SLIT3: variants seen among roughly 807,000 people sequenced by gnomAD.
SLIT3 encodes slit guidance ligand 3.
In SLIT3, 68 loss-of-function variants were observed where a neutral mutation model predicts 184.0. That is an observed-to-expected ratio of 0.37 (90% CI 0.30 to 0.45). The LOEUF is 0.45. Ranked by LOEUF, SLIT3 falls within the 20% of genes least tolerant of loss-of-function variation. The probability of loss-of-function intolerance (pLI) is 1.00; values close to 1 mark genes in which losing one functional copy is unlikely to be tolerated. For missense variants in SLIT3, 1,707 were observed against 2,026.0 expected, an observed-to-expected ratio of 0.84 and a Z score of 3.02; for synonymous variants, 831 against 828.6, an observed-to-expected ratio of 1.00 and a Z score of -0.05.
intron 9 of SLIT3, among the ~76,000 whole-genome samples, chr5:168,800,505 T>C (rs1346822303): frequency 6.6e-6 from 1 of 152,202 alleles, no homozygotes; most frequent in Non-Finnish European, 1.5e-5. Flanking sequence ...GAGAATCACT[T>C]GAACCTGGGA....
intron 1 of SLIT3, among the ~76,000 whole-genome samples, chr5:169,260,604 G>T (rs894190373): frequency 1.3e-5 from 2 of 152,078 alleles, no homozygotes; most frequent in Non-Finnish European, 2.9e-5. Flanking sequence ...TATGGTCTTG[G>T]GTTCTACAGT....
At chr5:168,938,974 A>T (rs758078139) in intron 4 of SLIT3, among the ~76,000 whole-genome samples, 3 of 152,158 alleles carry the variant, frequency 2.0e-5, no homozygotes, top group Non-Finnish European at 4.4e-5. Flanking sequence ...GAAGGCAGAG[A>T]TACTTGTTCA....
At position 168,806,511 on chromosome 5, in the gene SLIT3, G is replaced by A. The variant is rs372775604; in HGVS notation, c.870C>T (p.Ile290=). 5.3e-5 allele frequency: 86 copies of A among 1,614,070 alleles called. No homozygotes were observed. Among genetic ancestry groups the A allele is most frequent in the East Asian group, 8.9e-5 (4 of 44,890 alleles). The change falls in exon 9 of 36, where the codon ATC becomes ATT. Residue 290 remains isoleucine, a synonymous_variant. Transcript: ENST00000519560. ...CPSPCTCSNN[I]VDCRGKGLME... is the part of the protein sequence containing the mutation. Reference sequence around the variant, plus strand: ...TCAAGCCCTTTCCTCGACAGTCCACGATGTTATTGCTGCACGTGCAGGGCG... The same window carrying A: ...TCAAGCCCTTTCCTCGACAGTCCACAATGTTATTGCTGCACGTGCAGGGCG...
intron 27 of SLIT3, among the ~76,000 whole-genome samples, chr5:168,699,570 C>T (rs1762158301): frequency 2.0e-5 from 3 of 152,192 alleles, no homozygotes; most frequent in Admixed American, 1.3e-4. Context: ...AATCCCATTC[C>T]TAGGACAGGG....
chr5:168,793,806 G>C (rs1012798180), intron 10 of SLIT3, among the ~76,000 whole-genome samples: 7 of 152,016 alleles, frequency 4.6e-5, no homozygotes, highest in Admixed American at 1.3e-4. Flanking sequence ...GAATTGGGGG[G>C]GGGGATGCAT....
At chr5:169,097,767 C>T (rs906124485) in intron 4 of SLIT3, among the ~76,000 whole-genome samples, 1 of 152,160 alleles carries the variant, frequency 6.6e-6, no homozygotes, top group Non-Finnish European at 1.5e-5. Flanking sequence ...TGTAGCCCCC[C>T]ACCACCCTGC....
intron 4 of SLIT3, among the ~76,000 whole-genome samples, chr5:169,116,250 C>G (rs916399348): frequency 6.6e-6 from 1 of 152,150 alleles, no homozygotes; most frequent in Non-Finnish European, 1.5e-5. Flanking sequence ...GGGCAAAGAA[C>G]TCTGAGCAGA....
chr5:169,233,575 C>T (rs1453117029), intron 3 of SLIT3, among the ~76,000 whole-genome samples: 4 of 152,138 alleles, frequency 2.6e-5, no homozygotes, highest in African/African-American at 9.7e-5. Flanking sequence ...ATCTAATGTG[C>T]CACCATGGCA....
chr5:168,917,606 TC>T (rs1413096100), intron 4 of SLIT3, among the ~76,000 whole-genome samples: 1 of 152,218 alleles, frequency 6.6e-6, no homozygotes, highest in Non-Finnish European at 1.5e-5. Flanking sequence ...CTTCTGGGGT[TC>T]CCTGTCAGCC....
intron 4 of SLIT3, among the ~76,000 whole-genome samples, chr5:169,124,410 TG>T (rs1274090792): frequency 1.3e-5 from 2 of 152,204 alleles, no homozygotes; most frequent in Non-Finnish European, 2.9e-5. Flanking sequence ...GACATTCCTT[TG>T]GGGAAAATTG....
chr5:169,286,119 T>G (rs1482128538), intron 1 of SLIT3, among the ~76,000 whole-genome samples: 1 of 152,116 alleles, frequency 6.6e-6, no homozygotes, highest in African/African-American at 2.4e-5. Flanking sequence ...GGGAAGCAGG[T>G]TACTATTAAA....
chr5:169,239,791 C>T (rs1251845910), intron 3 of SLIT3, among the ~76,000 whole-genome samples: 1 of 151,918 alleles, frequency 6.6e-6, no homozygotes, highest in East Asian at 1.9e-4. Context: ...AATTTCCTTT[C>T]TTCTGTTCTG....
rs955657250 is a variant in SLIT3, at chr5:169,250,664, C to T, written c.269+724G>A. On this transcript the variant is annotated intron_variant, in intron 2 of 35. Transcript: ENST00000519560. ...TGGCATACAAATACCAAGGCAGTGG[C>T]CAATTGGCCCAGTCTGTACTTCTTG... 7.2e-5 allele frequency among the ~76,000 whole-genome samples: 11 copies of T among 152,312 alleles called. No individual in the cohort carries two copies. The East Asian group carries it at 1.7e-3, about 24-fold the overall frequency.
At position 168,736,849 on chromosome 5, in the gene SLIT3, T is replaced by TG. The variant is rs139847724; in HGVS notation, c.2270+11452dup. ...GGGAGGACTTGGGGTCAGATGGACC[T>TG]GGGCTTGAGTCTATAGTCTGCTGCT... On this transcript the variant is annotated intron_variant, in intron 20 of 35. Transcript: ENST00000519560. Among the ~76,000 whole-genome samples, 23 of 152,294 alleles carry TG rather than the reference T, an allele frequency of 1.5e-4. No homozygotes were observed. The East Asian group carries it at 4.1e-3, about 27-fold the overall frequency.
chr5:169,149,360 T>C, intron 4 of SLIT3, among the ~76,000 whole-genome samples: 1 of 141,504 alleles, frequency 7.1e-6, no homozygotes, highest in African/African-American at 2.6e-5. Context: ...TTTTTCAACT[T>C]GTGGTAATTC....
intron 1 of SLIT3, among the ~76,000 whole-genome samples, chr5:169,270,696 C>CA (rs1337927080): frequency 6.6e-6 from 1 of 151,808 alleles, no homozygotes; most frequent in African/African-American, 2.4e-5. Flanking sequence ...AAGCGGCAGT[C>CA]AAAAAAATAA....
At chr5:168,684,813 A>G (rs938779454) in intron 31 of SLIT3, among the ~76,000 whole-genome samples, 51 of 152,234 alleles carry the variant, frequency 3.4e-4, no homozygotes, top group Non-Finnish European at 5.0e-4. Flanking sequence ...AATTAATTCA[A>G]TGTTTGCTAG....
chr5:169,263,040 TTATTAG>T (rs1250334365), intron 1 of SLIT3, among the ~76,000 whole-genome samples: 1 of 152,296 alleles, frequency 6.6e-6, no homozygotes, highest in Non-Finnish European at 1.5e-5. Context: ...ACTGGTGTCC[TTATTAG>T]AAGAGGAGAC....
chr5:168,957,291 CCT>C lies in SLIT3; in HGVS notation c.414-73957_414-73956del, dbSNP rs144937395. 5.2e-3 allele frequency among the ~76,000 whole-genome samples: 792 copies of C among 151,780 alleles called. 8 individuals carry two copies. Among genetic ancestry groups the C allele is most frequent in the African/African-American group, 0.018 (753 of 41,360 alleles). ...ATGTTGGCCAGGGTGGTCTTGAACTCCTGACCTCAAGTGATCTTCTGCTTTGG... is the reference window on the plus strand; with the variant it reads ...ATGTTGGCCAGGGTGGTCTTGAACTCGACCTCAAGTGATCTTCTGCTTTGG... On this transcript the variant is annotated intron_variant, in intron 4 of 35. Coordinates refer to ENST00000519560, the MANE Select transcript of SLIT3 (RefSeq NM_003062.4).
Sources: gnomAD v4.1 joint callset for allele counts (sites outside exome capture counted in the v4.1 genomes callset) on GRCh38, gnomAD v4.1.1 for gene constraint, MANE v1.5 for transcripts, NCBI Gene and HGNC (gene_info 2026-07-23, HGNC 2026-07-21) for gene names.